The following IPO5 variants were observed in gnomAD, a reference collection of about 807,000 sequenced individuals.
IPO5 encodes importin-5.
IPO5 carries 18 observed loss-of-function variants against 143.3 expected under a neutral mutation model. The observed-to-expected ratio is 0.13, with a 90% confidence interval of 0.09 to 0.19. IPO5 has a LOEUF of 0.19. Among genes scored for constraint, IPO5 ranks in the 10% least tolerant of loss-of-function variants. The probability of loss-of-function intolerance (pLI) is 1.00; values close to 1 mark genes in which losing one functional copy is unlikely to be tolerated. For missense variants in IPO5, 1,013 were observed against 1,336.9 expected, an observed-to-expected ratio of 0.76 and a Z score of 3.78; for synonymous variants, 477 against 465.7, an observed-to-expected ratio of 1.02 and a Z score of -0.31.
At chr13:97,980,014 G>A (rs1886707776) in intron 4 of IPO5, 1 of 453,472 alleles carries the variant, frequency 2.2e-6, no homozygotes, top group African/African-American at 2.0e-5. Context: ...GGGCAGGGAA[G>A]AGGCGGAGGA....
chr13:98,015,543 T>C lies in IPO5; in HGVS notation c.2339T>C (p.Met780Thr). 6.2e-7 allele frequency: 1 copy of C among 1,600,586 alleles called. No homozygotes were observed. Among genetic ancestry groups the C allele is most frequent in the Non-Finnish European group, 8.6e-7 (1 of 1,168,866 alleles). ...CAACCTCATTAGTGCATTGAAGTAA[T>C]GGGAGATGGATGCCTTAATAATGAA... ...MHSFAKCIEV[M>T]GDGCLNNEHF... is the part of the protein sequence containing the mutation. The change falls in exon 23 of 29, where the codon ATG becomes ACG. Residue 780 changes from methionine (M) to threonine (T), a missense_variant. Physicochemically the swap from Met to Thr is moderately conservative, Grantham distance 81 (BLOSUM62 -1). Transcript: ENST00000651721.
intron 2 of IPO5, among the ~76,000 whole-genome samples, chr13:97,958,444 G>C (rs750648540): frequency 1.3e-5 from 2 of 152,130 alleles, no homozygotes; most frequent in Non-Finnish European, 2.9e-5. Flanking sequence ...CCACCATCGG[G>C]AGAGGACTCA....
intron 4 of IPO5, chr13:97,981,380 A>G (rs1403365246): frequency 2.5e-6 from 1 of 402,694 alleles, no homozygotes; most frequent in Non-Finnish European, 4.8e-6. Flanking sequence ...TCTGTCTGCT[A>G]TTCATTGTCT....
At position 97,970,403 on chromosome 13, in the gene IPO5, G is replaced by A. The variant is rs539110665; in HGVS notation, c.-5+573G>A. 1.6e-4 allele frequency among the ~76,000 whole-genome samples: 25 copies of A among 152,018 alleles called. No individual in the cohort carries two copies. In the South Asian group the frequency reaches 4.8e-3, roughly 29 times the overall value. Reference sequence around the variant, plus strand: ...TGGGAGGCCGAGGCGGGTGGATCACGAGGTCAGGAGTTCGAGACAAGCCTG... The same window carrying A: ...TGGGAGGCCGAGGCGGGTGGATCACAAGGTCAGGAGTTCGAGACAAGCCTG... On this transcript the variant is annotated intron_variant, in intron 3 of 28. Transcript: ENST00000651721.
At chr13:98,010,047 T>C in intron 19 of IPO5, 34 bp downstream of exon 19, 2 of 1,613,580 alleles carry the variant, frequency 1.2e-6, no homozygotes, top group Non-Finnish European at 1.7e-6. Context: ...TCGGTTATAA[T>C]AGTTCTCTCT....
At position 98,000,081 on chromosome 13, in the gene IPO5, A is replaced by G. The variant is rs142170049; in HGVS notation, c.1002-458A>G. On this transcript the variant is annotated intron_variant, in intron 12 of 28. Coordinates refer to ENST00000651721, the MANE Select transcript of IPO5 (RefSeq NM_002271.6). ...GGGCGCATCACAAAGTCAGGAGATC[A>G]AGACAATCCTGGCTAACATGGTGAA... 3.6e-3 allele frequency among the ~76,000 whole-genome samples: 553 copies of G among 152,252 alleles called. 3 individuals are homozygous for G. The highest frequency in any genetic ancestry group is 0.013 in the East Asian group (67 of 5,168).
intron 6 of IPO5, chr13:97,987,301 G>A (rs1191175018): frequency 1.3e-5 from 2 of 151,710 alleles, no homozygotes; most frequent in Non-Finnish European, 2.9e-5. Flanking sequence ...TGTAAGCGCA[G>A]CTTGTTTAGA....
At chr13:98,015,859 A>G (rs951972727) in intron 24 of IPO5, 78 bp downstream of exon 24, 21 of 857,576 alleles carry the variant, frequency 2.4e-5, no homozygotes, top group Admixed American at 1.9e-4. Flanking sequence ...TTTCTGATTT[A>G]TGTGACTTGT....
At chr13:98,012,940 T>G (rs1889838430) in intron 21 of IPO5, among the ~76,000 whole-genome samples, 1 of 151,898 alleles carries the variant, frequency 6.6e-6, no homozygotes, top group South Asian at 2.1e-4. Flanking sequence ...GCACTGTGCC[T>G]GGCAAGACCT....
chr13:97,987,094 TG>T (rs1173968706), intron 6 of IPO5: 1 of 168,756 alleles, frequency 5.9e-6, no homozygotes, highest in Non-Finnish European at 1.4e-5. Flanking sequence ...GTCACAGAGA[TG>T]GGGATCTGTG....
intron 3 of IPO5, 134 bp from the exon 4 acceptor site, chr13:97,976,559 C>G (rs1408953991): frequency 5.7e-6 from 1 of 176,820 alleles, no homozygotes; most frequent in Admixed American, 6.4e-5. Flanking sequence ...CCCGCCCTTC[C>G]CGCGCGGCCC....
chr13:97,969,184 T>A (rs1165307749), intron 2 of IPO5, among the ~76,000 whole-genome samples: 4 of 116,340 alleles, frequency 3.4e-5, no homozygotes, highest in Admixed American at 8.6e-5. Flanking sequence ...TATTTTTTTT[T>A]TTTTTTTTTT....
At chr13:98,018,776 C>A in intron 26 of IPO5, 72 bp downstream of exon 26, 1 of 1,090,608 alleles carries the variant, frequency 9.2e-7, no homozygotes, top group Non-Finnish European at 1.4e-6. Flanking sequence ...CTCTCTTTAC[C>A]ACACTCCCAA....
intron 6 of IPO5, among the ~76,000 whole-genome samples, chr13:97,988,763 G>A (rs1887581018): frequency 6.6e-6 from 1 of 152,066 alleles, no homozygotes; most frequent in Admixed American, 6.6e-5. Flanking sequence ...ACTCCAGCCT[G>A]GGTAAAAAAG....
Position 97,954,207 on chromosome 13 carries a change from A to G in IPO5, c.-113+9A>G, listed in dbSNP as rs1884304412. 1 of 160,740 alleles carries G rather than the reference A, an allele frequency of 6.2e-6. No homozygotes were observed. Among genetic ancestry groups the G allele is most frequent in the Non-Finnish European group, 1.4e-5 (1 of 73,062 alleles). 10.0% of individuals were successfully genotyped at this position (160,740 alleles called of 1,614,324 possible). ...ATACTTGCGGCACTCAAGTGAGTCTAGAATTATCAGATTTTGTTCTGTCTC... is the reference window on the plus strand; with the variant it reads ...ATACTTGCGGCACTCAAGTGAGTCTGGAATTATCAGATTTTGTTCTGTCTC... On this transcript the variant is annotated intron_variant, in intron 2 of 28. Coordinates refer to ENST00000651721, the MANE Select transcript of IPO5 (RefSeq NM_002271.6).
At chr13:98,016,539 C>T (rs1364355105) in intron 24 of IPO5, among the ~76,000 whole-genome samples, 190 bp from the exon 25 acceptor site, 1 of 152,022 alleles carries the variant, frequency 6.6e-6, no homozygotes, top group Non-Finnish European at 1.5e-5. Context: ...TAAGACTGGC[C>T]TTTGATTAGT....
chr13:98,015,868 G>C, intron 24 of IPO5, 87 bp downstream of exon 24: 1 of 800,012 alleles, frequency 1.2e-6, no homozygotes, highest in Non-Finnish European at 2.1e-6. Context: ...TATGTGACTT[G>C]TCATTCTGAT....
intron 11 of IPO5, among the ~76,000 whole-genome samples, chr13:97,995,194 GT>G (rs1888163424): frequency 1.3e-5 from 1 of 76,144 alleles, no homozygotes; most frequent in African/African-American, 4.1e-5. Flanking sequence ...TTTTTTTTTT[GT>G]TTGTTTAATA....
At chr13:98,012,917 A>G (rs1484224323) in intron 21 of IPO5, among the ~76,000 whole-genome samples, 1 of 148,448 alleles carries the variant, frequency 6.7e-6, no homozygotes, top group East Asian at 2.1e-4. Context: ...AAGTTATGGG[A>G]TTACACACCT....
Sources: allele counts gnomAD v4.1 joint callset (sites outside exome capture counted in the v4.1 genomes callset), GRCh38; gene constraint gnomAD v4.1.1; transcripts MANE v1.5; gene names NCBI Gene and HGNC (gene_info 2026-07-23, HGNC 2026-07-21).